The following UGT1A10 variants were observed in gnomAD, a reference collection of about 807,000 sequenced individuals.
UGT1A10 encodes UDP-glucuronosyltransferase 1A10.
A neutral mutation model predicts 45.8 loss-of-function variants in UGT1A10; 49 were observed. The ratio of observed to expected loss-of-function variants is 1.07; its 90% CI spans 0.85 to 1.36. UGT1A10 has a LOEUF of 1.36. Among genes scored for constraint, UGT1A10 ranks in the 40% most tolerant of loss-of-function variants. UGT1A10 has a pLI of 0.00. For missense variants in UGT1A10, 745 were observed against 668.6 expected (o/e 1.11, Z -1.26); for synonymous variants, 284 against 249.7 (o/e 1.14, Z -1.29).
chr2:233,699,590 C>A (rs2075514106), intron 1 of UGT1A10, among the ~76,000 whole-genome samples: 1 of 152,192 alleles, frequency 6.6e-6, no homozygotes, highest in Admixed American at 6.5e-5. Flanking sequence ...ATCCTTTCTT[C>A]CCAGCCTGGT....
intron 1 of UGT1A10, among the ~76,000 whole-genome samples, chr2:233,659,511 G>C (rs4281903): frequency 0.045 from 6,811 of 152,204 alleles, 474 homozygotes; most frequent in African/African-American, 0.15. Flanking sequence ...CATTAAGTGG[G>C]AGTGGATCAT....
At chr2:233,687,423 G>A (rs569244022) in intron 1 of UGT1A10, among the ~76,000 whole-genome samples, 9 of 151,954 alleles carry the variant, frequency 5.9e-5, no homozygotes, top group Admixed American at 2.0e-4. Context: ...GAGGCTTACC[G>A]TGTACCAGGT....
At chr2:233,724,150 G>A (rs2077177057) in intron 1 of UGT1A10, among the ~76,000 whole-genome samples, 3 of 120,556 alleles carry the variant, frequency 2.5e-5, no homozygotes, top group Non-Finnish European at 5.1e-5. Flanking sequence ...GCGGCTGGCC[G>A]GGTGGGGGGG....
At chr2:233,648,127 T>C (rs1332614538) in intron 1 of UGT1A10, 21 of 1,350,990 alleles carry the variant, frequency 1.6e-5, no homozygotes, top group Non-Finnish European at 2.1e-5. Context: ...CAATGCTCAA[T>C]GGGAAGCAGA....
At chr2:233,698,042 AGTT>A (rs2075422971) in intron 1 of UGT1A10, among the ~76,000 whole-genome samples, 1 of 152,202 alleles carries the variant, frequency 6.6e-6, no homozygotes, top group Non-Finnish European at 1.5e-5. Context: ...TTTTTCAAAA[AGTT>A]GTACTCAGTT....
In UGT1A10 at chr2:233,713,489, G is replaced by A. The variant is rs17868332; in HGVS notation, c.856-53545G>A. On this transcript the variant is annotated intron_variant, in intron 1 of 4. Transcript: ENST00000344644. ...CGGCGGTGCTGGCTAAGTACCTGTC[G>A]ATTCCTGCTGTGTTTTTCTTGAGGA... 26 of 1,613,820 alleles carry A rather than the reference G, an allele frequency of 1.6e-5. No individual in the cohort carries two copies. In the Admixed American group the frequency reaches 2.0e-4, roughly 12 times the overall value.
intron 1 of UGT1A10, among the ~76,000 whole-genome samples, chr2:233,642,887 A>ACTCT (rs143675434): frequency 4.9e-5 from 7 of 142,742 alleles, no homozygotes; most frequent in African/African-American, 1.0e-4. Flanking sequence ...TCTCTCTCTC[A>ACTCT]CTCTCTCTCT....
At chr2:233,681,875 T>C (rs2074543117) in intron 1 of UGT1A10, 9 of 1,544,408 alleles carry the variant, frequency 5.8e-6, no homozygotes, top group Non-Finnish European at 7.0e-6. Context: ...TCTGTACTTC[T>C]TCCACTTACT....
At position 233,636,848 on chromosome 2, in the gene UGT1A10, T is replaced by G. The variant is rs749238406; in HGVS notation, c.326T>G (p.Leu109Ter). ...KAQAQSIFSL[L>*]MSSSSGFLDL... ...CAGGCACAAAGTATATTTTCTCTAT[T>G]AATGAGTTCATCCAGTGGTTTTCTT... Residue 109 changes from leucine (L) to a stop codon, truncating the protein, a stop_gained, in exon 1 of 5, where the codon TTA becomes TGA. Coordinates refer to ENST00000344644, the MANE Select transcript of UGT1A10 (RefSeq NM_019075.4). LOFTEE classifies it high-confidence loss of function. 1.5e-5 allele frequency: 24 copies of G among 1,614,106 alleles called. No individual in the cohort carries two copies. The highest frequency in any genetic ancestry group is 1.9e-5 in the Non-Finnish European group (22 of 1,180,044).
rs587784540 is a variant in UGT1A10 at position 233,760,766 on chromosome 2, T to A, written c.856-6268T>A. 1.9e-6 allele frequency: 3 copies of A among 1,614,116 alleles called. No individual in the cohort carries two copies. The South Asian group carries it at 3.3e-5, about 18-fold the overall frequency. On this transcript the variant is annotated intron_variant, in intron 1 of 4. Coordinates refer to ENST00000344644, the MANE Select transcript of UGT1A10 (RefSeq NM_019075.4). ...CCTTTCCTTCCTTGCAGCCCCATCG[T>A]GGCCCAGTACCTGTCTCTGCCCACT...
At chr2:233,740,611 T>C (rs1203894418) in intron 1 of UGT1A10, 1 of 151,850 alleles carries the variant, frequency 6.6e-6, no homozygotes, top group Non-Finnish European at 1.5e-5. Flanking sequence ...TCCAGGTCTC[T>C]TGGGGCTCAC....
At chr2:233,760,806 T>C (rs751197990) in intron 1 of UGT1A10, 3 of 1,613,492 alleles carry the variant, frequency 1.9e-6, no homozygotes, top group Non-Finnish European at 2.5e-6. Context: ...TCTTCTTGCA[T>C]GCACTGCCAT....
At chr2:233,640,961 A>G (rs1025338843) in intron 1 of UGT1A10, among the ~76,000 whole-genome samples, 1 of 152,220 alleles carries the variant, frequency 6.6e-6, no homozygotes, top group African/African-American at 2.4e-5. Flanking sequence ...TTCATGGTCT[A>G]GGACACATAG....
At chr2:233,661,625 TTCTTTCTTTCTTTCTTTC>T (rs2073966465) in intron 1 of UGT1A10, among the ~76,000 whole-genome samples, 1 of 105,292 alleles carries the variant, frequency 9.5e-6, no homozygotes, top group Non-Finnish European at 2.2e-5. Context: ...TTACTGAATT[TTCTTTCTTTCTTTCTTTC>T]TTTCTTTCTT....
chr2:233,760,224 G>A, intron 1 of UGT1A10: 1 of 1,586,310 alleles, frequency 6.3e-7, no homozygotes. Flanking sequence ...TGTATCGATT[G>A]GTTTTTGCCA....
At chr2:233,720,869 C>A (rs944438074) in intron 1 of UGT1A10, among the ~76,000 whole-genome samples, 12 of 119,508 alleles carry the variant, frequency 1.0e-4, no homozygotes, top group African/African-American at 3.8e-4. Flanking sequence ...CTGCTCCTGG[C>A]AATTTTTTTT....
chr2:233,716,164 G>C (rs1445096027), intron 1 of UGT1A10, among the ~76,000 whole-genome samples: 2 of 152,102 alleles, frequency 1.3e-5, no homozygotes, highest in African/African-American at 4.8e-5. Context: ...TGGAGATGCA[G>C]TGCAGCATCT....
chr2:233,695,453 G>A (rs1052369208), intron 1 of UGT1A10, among the ~76,000 whole-genome samples: 2 of 151,290 alleles, frequency 1.3e-5, no homozygotes, highest in African/African-American at 2.4e-5. Context: ...TTTGATCAAC[G>A]TGCTTTATTG....
At chr2:233,729,880 G>T in intron 1 of UGT1A10, 1 of 1,613,860 alleles carries the variant, frequency 6.2e-7, no homozygotes, top group Non-Finnish European at 8.5e-7. Flanking sequence ...TCTCAGTCAT[G>T]CATCTGTGTG....
Sources: gnomAD v4.1 joint callset for allele counts (sites outside exome capture counted in the v4.1 genomes callset) on GRCh38, gnomAD v4.1.1 for gene constraint, MANE v1.5 for transcripts, NCBI Gene and HGNC (gene_info 2026-07-23, HGNC 2026-07-21) for gene names.